GRM5: variants seen among roughly 807,000 people sequenced by gnomAD.
GRM5 encodes the protein metabotropic glutamate receptor 5.
A neutral mutation model predicts 83.1 loss-of-function variants in GRM5; 19 were observed. The ratio of observed to expected loss-of-function variants is 0.23; its 90% CI spans 0.16 to 0.34. GRM5 has a LOEUF of 0.34. Ranked by LOEUF, GRM5 falls within the 10% of genes least tolerant of loss-of-function variation. The pLI, the probability that GRM5 is intolerant of heterozygous loss-of-function variation, is 1.00. For missense variants in GRM5, 1,160 were observed against 1,588.3 expected, an observed-to-expected ratio of 0.73 and a Z score of 4.58; for synonymous variants, 675 against 633.6, an observed-to-expected ratio of 1.07 and a Z score of -0.98.
chr11:89,064,915 T>TGTGTGTGTGAGAGAGA (rs1431752395), intron 1 of GRM5, among the ~76,000 whole-genome samples: 1 of 57,962 alleles, frequency 1.7e-5, no homozygotes, highest in African/African-American at 6.4e-5. Flanking sequence ...TGTGTGTGTG[T>TGTGTGTGTGAGAGAGA]GAGAGAGAGA....
intron 4 of GRM5, among the ~76,000 whole-genome samples, chr11:88,647,822 C>A (rs1165652549): frequency 6.6e-6 from 1 of 152,082 alleles, no homozygotes; most frequent in African/African-American, 2.4e-5. Context: ...AAACAAACAA[C>A]CCCATCAAAA....
intron 1 of GRM5, among the ~76,000 whole-genome samples, chr11:89,055,473 T>A (rs1941852897): frequency 6.6e-6 from 1 of 152,152 alleles, no homozygotes; most frequent in African/African-American, 2.4e-5. Context: ...CAAGCTAATA[T>A]TGTAGGATGT....
intron 4 of GRM5, among the ~76,000 whole-genome samples, chr11:88,614,557 G>A (rs1327117960): frequency 6.6e-6 from 1 of 152,032 alleles, no homozygotes; most frequent in Non-Finnish European, 1.5e-5. Flanking sequence ...GACAGCAACT[G>A]GTGCAAAGGC....
At position 88,588,105 on chromosome 11, in the gene GRM5, T is replaced by G. The variant is rs1943356602; in HGVS notation, c.1690+2496A>C. On this transcript the variant is annotated intron_variant, in intron 7 of 9. Transcript: ENST00000305447. ...AGATCATCTTCTCCCATCAGCACCT[T>G]CTTCAAGTAATGTGATGACACCATT... Among the ~76,000 whole-genome samples the G allele has an allele frequency of 2.0e-5, 3 of 152,296 alleles. No individual in the cohort carries two copies. In the South Asian group the frequency reaches 6.2e-4, roughly 32 times the overall value.
chr11:88,719,459 A>G (rs1941482853), intron 3 of GRM5, among the ~76,000 whole-genome samples: 2 of 152,102 alleles, frequency 1.3e-5, no homozygotes, highest in African/African-American at 2.4e-5. Context: ...CATCCAGTCT[A>G]TCATGATGGG....
At chr11:88,543,148 A>G (rs550665363) in intron 8 of GRM5, among the ~76,000 whole-genome samples, 1 of 152,322 alleles carries the variant, frequency 6.6e-6, no homozygotes, top group South Asian at 2.1e-4. Flanking sequence ...CCGTGGTGTA[A>G]TTTGAACTTA....
chr11:88,897,090 A>G (rs1159076160), intron 2 of GRM5, among the ~76,000 whole-genome samples: 3 of 151,958 alleles, frequency 2.0e-5, no homozygotes, highest in Non-Finnish European at 4.4e-5. Flanking sequence ...TCAATCATGG[A>G]TGGCTAAACC....
At chr11:88,992,515 G>T (rs1174938349) in intron 2 of GRM5, among the ~76,000 whole-genome samples, 1 of 152,084 alleles carries the variant, frequency 6.6e-6, no homozygotes, top group East Asian at 1.9e-4. Context: ...ACCCATTACT[G>T]GGTATATACC....
intron 2 of GRM5, among the ~76,000 whole-genome samples, chr11:88,964,046 C>T (rs1938868283): frequency 6.6e-6 from 1 of 152,272 alleles, no homozygotes; most frequent in South Asian, 2.1e-4. Context: ...TGCAGGGACA[C>T]ACTCTTTATG....
Position 89,005,557 on chromosome 11 carries a change from G to A in GRM5, c.661+41655C>T, listed in dbSNP as rs1355148677. Among the ~76,000 whole-genome samples, 4 of 152,192 alleles carry A rather than the reference G, an allele frequency of 2.6e-5. No individual in the cohort carries two copies. In the East Asian group the frequency reaches 7.7e-4, roughly 29 times the overall value. ...TCTCTGGATTCAGAATGCCTTTAAT[G>A]TTGAATTCTGGAGTATGTTACCTTA... is the stretch of plus-strand genomic sequence containing the variant. On this transcript the variant is annotated intron_variant, in intron 2 of 9. Transcript: ENST00000305447.
intron 3 of GRM5, among the ~76,000 whole-genome samples, chr11:88,832,673 T>C (rs1417151684): frequency 1.3e-5 from 2 of 151,720 alleles, no homozygotes; most frequent in African/African-American, 4.8e-5. Flanking sequence ...TCCTAAGTAA[T>C]AACAACAAAG....
At chr11:88,719,065 C>CT (rs146611804) in intron 3 of GRM5, among the ~76,000 whole-genome samples, 14,690 of 149,676 alleles carry the variant, frequency 0.098, 955 homozygotes, top group Non-Finnish European at 0.15. Flanking sequence ...ATCTGACATA[C>CT]TTTTTTTTTT....
At chr11:88,531,512 C>A (rs1243437425) in intron 8 of GRM5, among the ~76,000 whole-genome samples, 1 of 152,156 alleles carries the variant, frequency 6.6e-6, no homozygotes, top group African/African-American at 2.4e-5. Context: ...TACCAAGGAG[C>A]AAATGTTCTC....
At chr11:88,668,622 G>A (rs560303271) in intron 3 of GRM5, among the ~76,000 whole-genome samples, 34 of 152,052 alleles carry the variant, frequency 2.2e-4, no homozygotes, top group African/African-American at 8.2e-4. Flanking sequence ...GTATACCCCA[G>A]GAATGAAAAA....
At chr11:88,642,218 G>T (rs1377345614) in intron 4 of GRM5, among the ~76,000 whole-genome samples, 1 of 152,194 alleles carries the variant, frequency 6.6e-6, no homozygotes, top group African/African-American at 2.4e-5. Context: ...CAAGATGTAT[G>T]TGTTCTCCTT....
chr11:88,709,115 C>T (rs1463074635), intron 3 of GRM5, among the ~76,000 whole-genome samples: 1 of 151,928 alleles, frequency 6.6e-6, no homozygotes, highest in Admixed American at 6.6e-5. Flanking sequence ...CCCTGGACTT[C>T]TGGTGCTCTT....
intron 2 of GRM5, among the ~76,000 whole-genome samples, chr11:88,957,058 A>G (rs1938639695): frequency 6.6e-6 from 1 of 152,254 alleles, no homozygotes; most frequent in Admixed American, 6.5e-5. Context: ...AAGTGCTATG[A>G]ACAAGGAAAA....
intron 2 of GRM5, among the ~76,000 whole-genome samples, chr11:88,875,087 T>C (rs1431209380): frequency 1.3e-5 from 2 of 151,456 alleles, no homozygotes; most frequent in African/African-American, 4.8e-5. Flanking sequence ...TGACTGTTTT[T>C]TTTTTTTCAT....
At chr11:88,931,425 T>C (rs1344872611) in intron 2 of GRM5, among the ~76,000 whole-genome samples, 3 of 100,772 alleles carry the variant, frequency 3.0e-5, no homozygotes, top group Non-Finnish European at 4.0e-5. Context: ...AGAAAGCATA[T>C]TGAAAGAACC....
Sources: allele counts gnomAD v4.1 joint callset (sites outside exome capture counted in the v4.1 genomes callset), GRCh38; gene constraint gnomAD v4.1.1; transcripts MANE v1.5; gene names NCBI Gene and HGNC (gene_info 2026-07-23, HGNC 2026-07-21).